FRMD4A: variants seen among roughly 807,000 people sequenced by gnomAD.
FRMD4A encodes FERM domain-containing protein 4A.
FRMD4A carries 29 observed loss-of-function variants against 129.1 expected under a neutral mutation model. The ratio of observed to expected loss-of-function variants is 0.22; its 90% CI spans 0.17 to 0.31. The LOEUF (loss-of-function observed/expected upper bound fraction) is 0.31. Ranked by LOEUF, FRMD4A falls within the 10% of genes least tolerant of loss-of-function variation. The pLI is 1.00. For missense variants in FRMD4A, 1,272 were observed against 1,375.8 expected, an observed-to-expected ratio of 0.92 and a Z score of 1.19; for synonymous variants, 634 against 571.6, an observed-to-expected ratio of 1.11 and a Z score of -1.56.
Position 13,657,020 on chromosome 10 carries a change from G to A in FRMD4A, c.2569C>T (p.Gln857Ter). The change falls in exon 22 of 25, where the codon CAG becomes TAG. Residue 857 changes from glutamine (Q) to a stop codon, truncating the protein, a stop_gained. Coordinates refer to ENST00000357447, the MANE Select transcript of FRMD4A (RefSeq NM_018027.5). LOFTEE classifies it high-confidence loss of function. ...GCCTTGACGCTGTAGTGGCCCTCCT[G>A]GTCGCTCTCCAGGCTGCGCACCACC... ...PVVVRSLESDQEGHYSVKAQF... is the reference protein window; with the variant it reads ...PVVVRSLESD 1 of 1,568,826 alleles carries A rather than the reference G, an allele frequency of 6.4e-7. No individual in the cohort carries two copies. Among genetic ancestry groups the A allele is most frequent in the Non-Finnish European group, 8.6e-7 (1 of 1,164,414 alleles).
chr10:14,181,870 T>C (rs1841925853), intron 2 of FRMD4A, among the ~76,000 whole-genome samples: 1 of 152,120 alleles, frequency 6.6e-6, no homozygotes, highest in Non-Finnish European at 1.5e-5. Context: ...TGTGTACTTT[T>C]AGTTGAGATG....
At chr10:14,272,960 A>G (rs1845213054) in intron 2 of FRMD4A, among the ~76,000 whole-genome samples, 1 of 152,138 alleles carries the variant, frequency 6.6e-6, no homozygotes, top group African/African-American at 2.4e-5. Flanking sequence ...CTGCACCTGT[A>G]GTCCCAGCAC....
intron 15 of FRMD4A, among the ~76,000 whole-genome samples, chr10:13,691,189 C>A (rs1456431450): frequency 6.6e-6 from 1 of 152,172 alleles, no homozygotes; most frequent in South Asian, 2.1e-4. Flanking sequence ...GCTTTCACCA[C>A]GTTAGCCAGG....
chr10:14,192,252 G>C (rs1842341694), intron 2 of FRMD4A, among the ~76,000 whole-genome samples: 1 of 152,040 alleles, frequency 6.6e-6, no homozygotes, highest in Admixed American at 6.6e-5. Context: ...TTGCTAACTG[G>C]GTTTTGTGTA....
intron 2 of FRMD4A, among the ~76,000 whole-genome samples, chr10:14,161,065 C>T (rs1354919638): frequency 1.3e-5 from 2 of 152,182 alleles, no homozygotes; most frequent in Non-Finnish European, 2.9e-5. Context: ...AGTGATTCTC[C>T]TGCCTCAGCC....
At chr10:14,276,883 T>C (rs1334128204) in intron 2 of FRMD4A, among the ~76,000 whole-genome samples, 2 of 152,188 alleles carry the variant, frequency 1.3e-5, no homozygotes, top group African/African-American at 4.8e-5. Flanking sequence ...ATTTATTTAT[T>C]TGAGTCAGGG....
intron 6 of FRMD4A, among the ~76,000 whole-genome samples, chr10:13,778,866 G>T (rs10796121): frequency 3.9e-5 from 6 of 151,994 alleles, no homozygotes; most frequent in African/African-American, 1.5e-4. Flanking sequence ...CTATCTCTTG[G>T]GTTGATGGGT....
At chr10:13,970,142 T>C (rs1255751955) in intron 2 of FRMD4A, among the ~76,000 whole-genome samples, 1 of 152,224 alleles carries the variant, frequency 6.6e-6, no homozygotes, top group Admixed American at 6.5e-5. Context: ...TTTCGGATGC[T>C]GGTCAAATTT....
At chr10:13,847,776 A>T (rs985276646) in intron 3 of FRMD4A, among the ~76,000 whole-genome samples, 3 of 152,250 alleles carry the variant, frequency 2.0e-5, no homozygotes, top group Admixed American at 6.5e-5. Flanking sequence ...AACCAAAATA[A>T]TCATTGACCA....
chr10:14,163,132 C>A (rs558532845), intron 2 of FRMD4A, among the ~76,000 whole-genome samples: 42 of 152,270 alleles, frequency 2.8e-4, no homozygotes, highest in Admixed American at 7.2e-4. Context: ...AACAAAAAAA[C>A]CCCGATGAAG....
chr10:13,994,695 C>T (rs1322029644), intron 2 of FRMD4A, among the ~76,000 whole-genome samples: 5 of 152,346 alleles, frequency 3.3e-5, no homozygotes, highest in Middle Eastern at 3.4e-3. Flanking sequence ...CTCTCACATA[C>T]ACACATACAG....
chr10:14,075,320 T>C (rs1260602039), intron 2 of FRMD4A, among the ~76,000 whole-genome samples: 2 of 152,212 alleles, frequency 1.3e-5, no homozygotes, highest in Admixed American at 6.5e-5. Flanking sequence ...ACCTAATGGA[T>C]CCAGACACAT....
intron 14 of FRMD4A, among the ~76,000 whole-genome samples, chr10:13,697,847 T>C (rs1235878590): frequency 6.6e-6 from 1 of 152,164 alleles, no homozygotes; most frequent in Admixed American, 6.6e-5. Flanking sequence ...CATTTTGAAC[T>C]TTCAAATATT....
rs1424930711 is a variant in FRMD4A, at chr10:13,839,597, C to T, written c.111+19250G>A. ...CTTTCTCCTTTCAGCTTGTACAACA[C>T]TGAGAGCTTAAGACACATGGACTTT... On this transcript the variant is annotated intron_variant, in intron 3 of 24. Transcript: ENST00000357447. Among the ~76,000 whole-genome samples, 4 of 152,202 alleles carry T rather than the reference C, an allele frequency of 2.6e-5. No homozygotes were observed. In the East Asian group the frequency reaches 7.7e-4, roughly 29 times the overall value.
intron 16 of FRMD4A, 115 bp downstream of exon 16, chr10:13,674,796 C>A: frequency 8.2e-7 from 1 of 1,217,014 alleles, no homozygotes; most frequent in Non-Finnish European, 1.2e-6. Context: ...TGCCTTCTGT[C>A]AAAACGATCA....
intron 2 of FRMD4A, among the ~76,000 whole-genome samples, chr10:13,906,083 C>T (rs557037495): frequency 1.3e-5 from 2 of 152,326 alleles, no homozygotes; most frequent in South Asian, 4.1e-4. Context: ...CTGCAGCCCC[C>T]AGTCTGGGAC....
rs547085751 is a variant in FRMD4A, at chr10:13,666,575, T to C, written c.1375-250A>G. Among the ~76,000 whole-genome samples, 4 of 152,352 alleles carry C rather than the reference T, an allele frequency of 2.6e-5. No individual in the cohort carries two copies. The East Asian group carries it at 7.7e-4, about 29-fold the overall frequency. On this transcript the variant is annotated intron_variant, in intron 17 of 24. Coordinates refer to ENST00000357447, the MANE Select transcript of FRMD4A (RefSeq NM_018027.5). ...ATCGCTGAGAACAGAGTTCCCACGA[T>C]GCAGGTTTAGGGATCGCTTGGCTGT...
intron 4 of FRMD4A, among the ~76,000 whole-genome samples, chr10:13,801,090 T>C (rs1186125693): frequency 6.6e-6 from 1 of 151,974 alleles, no homozygotes; most frequent in Admixed American, 6.6e-5. Flanking sequence ...CTACCAAAAA[T>C]ACAAAAACTA....
chr10:13,760,017 C>T (rs1354375597), intron 8 of FRMD4A, among the ~76,000 whole-genome samples: 1 of 151,864 alleles, frequency 6.6e-6, no homozygotes, highest in South Asian at 2.1e-4. Flanking sequence ...GGCTTTTACA[C>T]TTTTAACTGA....
Sources: gnomAD v4.1 joint callset for allele counts (sites outside exome capture counted in the v4.1 genomes callset) on GRCh38, gnomAD v4.1.1 for gene constraint, MANE v1.5 for transcripts, NCBI Gene and HGNC (gene_info 2026-07-23, HGNC 2026-07-21) for gene names.